The following ITSN2 variants were observed in gnomAD, a reference collection of about 807,000 sequenced individuals.
ITSN2 encodes the protein intersectin-2.
In ITSN2, 156 loss-of-function variants were observed where a neutral mutation model predicts 243.7. The observed-to-expected ratio is 0.64, with a 90% CI of 0.56 to 0.73. The LOEUF is 0.73. Among genes scored for constraint, ITSN2 ranks in the 30% least tolerant of loss-of-function variants. ITSN2 has a pLI of 0.00. For synonymous variants in ITSN2, 703 were observed against 699.9 expected, an observed-to-expected ratio of 1.00 and a Z score of -0.07; for missense variants, 1,801 against 1,996.1, an observed-to-expected ratio of 0.90 and a Z score of 1.86.
In ITSN2 at chr2:24,225,927, T is replaced by A. The variant is rs1467388829; in HGVS notation, c.3578-4861A>T. Among the ~76,000 whole-genome samples, 1 of 152,178 alleles carries A rather than the reference T, an allele frequency of 6.6e-6. No homozygotes were observed. The highest frequency in any genetic ancestry group is 1.5e-5 in the Non-Finnish European group (1 of 68,034). On this transcript the variant is annotated intron_variant, in intron 29 of 39. Coordinates refer to ENST00000355123, the MANE Select transcript of ITSN2 (RefSeq NM_006277.3). The surrounding 1 kb of genome is among the most constrained non-coding windows in gnomAD (Gnocchi z 4.2). ...TGGATAGGATACACCCCTTTGCCAC[T>A]CTCTATACCTGCATTGTCAATAGAG... is the stretch of plus-strand genomic sequence containing the variant.
chr2:24,338,418 G>A lies in ITSN2; in HGVS notation c.-33-10303C>T, dbSNP rs540500350. ...GTCTCCCTAAAATGTATAAAACCAA[G>A]CTGCACCCTGACCACCTTGGGCACA... is the stretch of plus-strand genomic sequence containing the variant. On this transcript the variant is annotated intron_variant, in intron 1 of 39. Transcript: ENST00000355123. Among the ~76,000 whole-genome samples, 5 of 152,248 alleles carry A rather than the reference G, an allele frequency of 3.3e-5. No individual in the cohort carries two copies. The East Asian group carries it at 7.7e-4, about 24-fold the overall frequency.
At chr2:24,355,359 A>T (rs1490380378) in intron 1 of ITSN2, among the ~76,000 whole-genome samples, 1 of 152,256 alleles carries the variant, frequency 6.6e-6, no homozygotes, top group African/African-American at 2.4e-5. Flanking sequence ...TAACCAAAAC[A>T]GCATGGCACT....
At chr2:24,358,665 TAAGA>T (rs1053204725) in intron 1 of ITSN2, among the ~76,000 whole-genome samples, 66 of 152,234 alleles carry the variant, frequency 4.3e-4, no homozygotes, top group Admixed American at 1.0e-3. Flanking sequence ...TTTTTTAAAA[TAAGA>T]AAGAAAAAAA....
chr2:24,334,417 C>T (rs982160239), intron 1 of ITSN2: 14 of 453,164 alleles, frequency 3.1e-5, no homozygotes, highest in African/African-American at 2.0e-4. Flanking sequence ...CCCCAAACCC[C>T]TTGGCCCAGC....
chr2:24,324,542 G>A (rs1029543163), intron 2 of ITSN2, among the ~76,000 whole-genome samples: 1 of 151,976 alleles, frequency 6.6e-6, no homozygotes, highest in African/African-American at 2.4e-5. Flanking sequence ...CATTCATTCA[G>A]TAAATGTTTA....
intron 9 of ITSN2, among the ~76,000 whole-genome samples, chr2:24,303,351 A>G (rs2151684253): frequency 6.6e-6 from 1 of 152,346 alleles, no homozygotes; most frequent in Middle Eastern, 3.4e-3. Context: ...TACAGGCCTA[A>G]GCTAATGGGT....
Position 24,293,784 on chromosome 2 carries a change from A to C in ITSN2, c.1636-9T>G. 1 of 796,336 alleles carries C rather than the reference A, an allele frequency of 1.3e-6. No individual in the cohort carries two copies. Among genetic ancestry groups the C allele is most frequent in the East Asian group, 2.9e-5 (1 of 35,044 alleles). 49.3% of individuals were successfully genotyped at this position (796,336 alleles called of 1,614,324 possible). A position where few individuals can be genotyped will look rare whatever the true frequency, so the allele number is the denominator to read the frequency against. On this transcript the variant is annotated splice_polypyrimidine_tract_variant and intron_variant, in intron 14 of 39. Transcript: ENST00000355123. Reference sequence around the variant, plus strand: ...AGCTTATTCTGATATTCCTTATAAAAAGAAAAAATAGTACCTGATTACAAT... The same window carrying C: ...AGCTTATTCTGATATTCCTTATAAACAGAAAAAATAGTACCTGATTACAAT...
intron 10 of ITSN2, among the ~76,000 whole-genome samples, chr2:24,301,650 A>G (rs551664437): frequency 5.3e-5 from 8 of 151,086 alleles, no homozygotes; most frequent in Admixed American, 1.3e-4. Context: ...CCCAGCTTCC[A>G]GAGTACCTAG....
At chr2:24,333,648 T>A (rs1227010601) in intron 1 of ITSN2, among the ~76,000 whole-genome samples, 1 of 152,206 alleles carries the variant, frequency 6.6e-6, no homozygotes. Flanking sequence ...CAAGAAAATA[T>A]ATTGGGTAAA....
In ITSN2 at chr2:24,337,328, A is replaced by ATACATATATATATATATATATATG; in HGVS notation, c.-33-9214_-33-9213insCATATATATATATATATATATGTA. Among the ~76,000 whole-genome samples, 2 of 97,664 alleles carry ATACATATATATATATATATATATG rather than the reference A, an allele frequency of 2.0e-5. 1 individual carries two copies. The highest frequency in any genetic ancestry group is 4.1e-5 in the Non-Finnish European group (2 of 48,460). The allele number at this position is 97,664 out of a possible 152,430, so 64.1% of individuals were successfully genotyped here. On this transcript the variant is annotated intron_variant, in intron 1 of 39. Coordinates refer to ENST00000355123, the MANE Select transcript of ITSN2 (RefSeq NM_006277.3). ...GTGTATACACAAAATATATATATAT[A>ATACATATATATATATATATATATG]TATATATATATATATATATATATAT... is the stretch of plus-strand genomic sequence containing the variant.
intron 37 of ITSN2, among the ~76,000 whole-genome samples, chr2:24,207,478 G>A (rs1027889128): frequency 1.3e-5 from 2 of 152,130 alleles, no homozygotes; most frequent in Non-Finnish European, 2.9e-5. Context: ...GGAGGGTGCT[G>A]TTCAGAGGCG....
intron 1 of ITSN2, among the ~76,000 whole-genome samples, chr2:24,356,104 G>A (rs1688419759): frequency 6.6e-6 from 1 of 151,874 alleles, no homozygotes; most frequent in Admixed American, 6.6e-5. Context: ...GGAGGCTGAG[G>A]CAGGAGAATC....
intron 5 of ITSN2, 64 bp from the exon 6 acceptor site, chr2:24,310,756 A>C (rs1279746397): frequency 1.1e-5 from 15 of 1,371,452 alleles, no homozygotes; most frequent in Non-Finnish European, 1.3e-5. Context: ...CATGCAAAAA[A>C]CAAGTTTACA....
At chr2:24,326,603 T>C (rs982397888) in intron 2 of ITSN2, 1 of 169,004 alleles carries the variant, frequency 5.9e-6, no homozygotes, top group Non-Finnish European at 1.5e-5. Flanking sequence ...TTAAAAATTG[T>C]CTGTGGCATC....
chr2:24,214,684 C>T (rs1224579943), intron 32 of ITSN2, among the ~76,000 whole-genome samples: 1 of 152,128 alleles, frequency 6.6e-6, no homozygotes, highest in African/African-American at 2.4e-5. Context: ...TATTACCTCT[C>T]TTCAATATAA....
In ITSN2 at chr2:24,209,155, G is replaced by C; in HGVS notation, c.4540C>G (p.His1514Asp). Residue 1514 changes from histidine to aspartate, a missense_variant, in exon 36 of 40, where the codon CAC becomes GAC. His to Asp is a moderately conservative substitution (Grantham distance 81). Around this residue, in one of 5 missense-constraint regions of ITSN2, gnomAD observed 928 missense variants for 1,065.4 expected, o/e 0.87. Coordinates refer to ENST00000355123, the MANE Select transcript of ITSN2 (RefSeq NM_006277.3). ...TAGACCCGATCAATGTGGGAAATGT[G>C]GAAGACAGGCTCATCGCTGGAAGGG... ...TDPSSDEPVF[H>D]ISHIDRVYTL... 6.2e-7 allele frequency: 1 copy of C among 1,614,032 alleles called. No homozygotes were observed. The highest frequency in any genetic ancestry group is 8.5e-7 in the Non-Finnish European group (1 of 1,179,928).
intron 1 of ITSN2, among the ~76,000 whole-genome samples, chr2:24,350,235 G>A (rs920638419): frequency 6.6e-6 from 1 of 152,156 alleles, no homozygotes; most frequent in Non-Finnish European, 1.5e-5. Flanking sequence ...TTCTGATCTA[G>A]TGAGTGTCTT....
At chr2:24,287,595 A>AT (rs1247860970) in intron 15 of ITSN2, among the ~76,000 whole-genome samples, 3 of 151,794 alleles carry the variant, frequency 2.0e-5, no homozygotes, top group Non-Finnish European at 4.4e-5. Context: ...GTTCTATCTT[A>AT]TTTTTTTTAG....
At chr2:24,260,456 CT>C (rs1384958881) in intron 22 of ITSN2, among the ~76,000 whole-genome samples, 2 of 145,362 alleles carry the variant, frequency 1.4e-5, no homozygotes, top group South Asian at 4.4e-4. Context: ...TCCCAAATAA[CT>C]TTAAGAAAAA....
Sources: gnomAD v4.1 joint callset for allele counts (sites outside exome capture counted in the v4.1 genomes callset) on GRCh38, gnomAD v4.1.1 for gene constraint, gnomAD v4.1.1 regional missense constraint, Gnocchi (gnomAD v3.1) non-coding constraint, MANE v1.5 for transcripts, NCBI Gene and HGNC (gene_info 2026-07-23, HGNC 2026-07-21) for gene names.